The following MAPK8 variants were observed in gnomAD, a reference collection of about 807,000 sequenced individuals.
The protein encoded by MAPK8 is mitogen-activated protein kinase 8.
In MAPK8, 13 loss-of-function variants were observed where a neutral mutation model predicts 52.9. The observed-to-expected ratio is 0.25, with a 90% CI of 0.16 to 0.39. The LOEUF (loss-of-function observed/expected upper bound fraction) is 0.39, where lower values mean the gene tolerates loss of function less well. MAPK8 is among the 10% of genes least tolerant of loss of function. The pLI is 1.00. For synonymous variants in MAPK8, 191 were observed against 169.8 expected (o/e 1.12, Z -0.97); for missense variants, 300 against 519.2 (o/e 0.58, Z 4.10).
chr10:48,400,133 A>G (rs553883160), intron 1 of MAPK8, among the ~76,000 whole-genome samples: 10 of 152,330 alleles, frequency 6.6e-5, no homozygotes, highest in African/African-American at 2.4e-4. Context: ...GCATTGTGTG[A>G]ACATAGCTCA....
At chr10:48,401,435 A>G (rs905625737) in intron 1 of MAPK8, among the ~76,000 whole-genome samples, 177 bp from the exon 2 acceptor site, 2 of 152,158 alleles carry the variant, frequency 1.3e-5, no homozygotes, top group African/African-American at 4.8e-5. Flanking sequence ...TCAGTCATTC[A>G]TATGGCATAT....
chr10:48,417,618 A>G (rs993520341), intron 5 of MAPK8, among the ~76,000 whole-genome samples: 1 of 152,192 alleles, frequency 6.6e-6, no homozygotes, highest in African/African-American at 2.4e-5. Flanking sequence ...TCCTTTTCTC[A>G]TGGTGAAAGG....
chr10:48,373,873 G>A (rs766075186), intron 1 of MAPK8, among the ~76,000 whole-genome samples: 1 of 152,058 alleles, frequency 6.6e-6, no homozygotes, highest in Non-Finnish European at 1.5e-5. Context: ...TCCAGGAGTT[G>A]AACTCAGCTC....
In MAPK8 at chr10:48,324,503, G is replaced by GTTTTTTTTTTTTTTTTTTTTTT. The variant is rs370766776; in HGVS notation, c.-50+17699_-50+17700insTTTTTTTTTTTTTTTTTTTTTT. The stretch of plus-strand genomic sequence containing the variant: ...TATACAACAGTTGTCCTGTTTTCTA[G>GTTTTTTTTTTTTTTTTTTTTTT]TTTTTTTTTTTTTTTTTACACTCAT... On this transcript the variant is annotated intron_variant, in intron 1 of 11. Coordinates refer to ENST00000374189, the MANE Select transcript of MAPK8 (RefSeq NM_001323329.2). Among the ~76,000 whole-genome samples, 871 of 117,764 alleles carry GTTTTTTTTTTTTTTTTTTTTTT rather than the reference G, an allele frequency of 7.4e-3. 50 individuals carry two copies. Among genetic ancestry groups the GTTTTTTTTTTTTTTTTTTTTTT allele is most frequent in the Non-Finnish European group, 9.7e-3 (578 of 59,774 alleles). 77.3% of individuals were successfully genotyped at this position (117,764 alleles called of 152,430 possible). A position where few individuals can be genotyped will look rare whatever the true frequency, so the allele number is the denominator to read the frequency against.
chr10:48,358,072 A>G (rs1368568022), intron 1 of MAPK8, among the ~76,000 whole-genome samples: 2 of 152,160 alleles, frequency 1.3e-5, no homozygotes, highest in East Asian at 1.9e-4. Context: ...TAGTTGATGA[A>G]CCTTTGGATG....
At chr10:48,319,349 A>G (rs1432066935) in intron 1 of MAPK8, among the ~76,000 whole-genome samples, 2 of 152,146 alleles carry the variant, frequency 1.3e-5, no homozygotes, top group Non-Finnish European at 2.9e-5. Flanking sequence ...GCCTAACTTT[A>G]GAACATGTTT....
At chr10:48,434,803 C>A in intron 11 of MAPK8, 81 bp from the exon 12 acceptor site, 2 of 1,265,968 alleles carry the variant, frequency 1.6e-6, no homozygotes, top group South Asian at 1.9e-5. Context: ...AAAATTACCA[C>A]TGGAGGCAGT....
intron 1 of MAPK8, among the ~76,000 whole-genome samples, chr10:48,338,357 A>G (rs1844899516): frequency 6.6e-6 from 1 of 152,072 alleles, no homozygotes; most frequent in African/African-American, 2.4e-5. Flanking sequence ...CAAAAACCAT[A>G]TTCTTATGCA....
chr10:48,320,766 T>C (rs1012200005), intron 1 of MAPK8, among the ~76,000 whole-genome samples: 3 of 152,220 alleles, frequency 2.0e-5, no homozygotes, highest in African/African-American at 7.2e-5. Flanking sequence ...GTCATATGGG[T>C]AACTCTATGC....
intron 1 of MAPK8, among the ~76,000 whole-genome samples, chr10:48,336,802 TTA>T (rs954253605): frequency 5.9e-5 from 9 of 152,114 alleles, no homozygotes; most frequent in African/African-American, 2.2e-4. Context: ...TCTCAGCACT[TTA>T]TAGGTTTTTT....
At position 48,401,777 on chromosome 10, in the gene MAPK8, A is replaced by T. The variant is rs886105474; in HGVS notation, c.117A>T (p.Ile39=). The T allele has an allele frequency of 1.4e-6, 2 of 1,471,162 alleles. No homozygotes were observed. Among genetic ancestry groups the T allele is most frequent in the Middle Eastern group, 1.8e-4 (1 of 5,494 alleles). 91.1% of individuals were successfully genotyped at this position (1,471,162 alleles called of 1,614,324 possible). A position where few individuals can be genotyped will look rare whatever the true frequency, so the allele number is the denominator to read the frequency against. ...LKPIGSGAQG[I]VCAAYDAILE... ...CTATAGGCTCAGGAGCTCAAGGAAT[A>T]GTATGGTAAGTGTTTACTTCCAAAA... Residue 39 remains isoleucine (I), a synonymous_variant, in exon 2 of 12, where the codon ATA becomes ATT. Transcript: ENST00000374189.
intron 1 of MAPK8, among the ~76,000 whole-genome samples, chr10:48,327,154 TG>T (rs1564485258): frequency 6.6e-6 from 1 of 152,254 alleles, no homozygotes; most frequent in East Asian, 1.9e-4. Flanking sequence ...TTCTTGTTCT[TG>T]GGGGGAAAGT....
intron 1 of MAPK8, among the ~76,000 whole-genome samples, chr10:48,381,531 A>G (rs2041005075): frequency 6.6e-6 from 1 of 152,192 alleles, no homozygotes; most frequent in African/African-American, 2.4e-5. Context: ...AGTAAGTAGT[A>G]GTTAACTGGT....
chr10:48,398,344 A>G (rs1386806724), intron 1 of MAPK8, among the ~76,000 whole-genome samples: 1 of 152,142 alleles, frequency 6.6e-6, no homozygotes, highest in Admixed American at 6.6e-5. Flanking sequence ...TAAACGGCAT[A>G]TAAGCCCATG....
intron 1 of MAPK8, among the ~76,000 whole-genome samples, chr10:48,343,512 C>A (rs1845493737): frequency 6.6e-6 from 1 of 152,190 alleles, no homozygotes; most frequent in Non-Finnish European, 1.5e-5. Context: ...GACCCAGTAT[C>A]TTCAAGGTAG....
At chr10:48,329,457 A>G (rs1371443690) in intron 1 of MAPK8, among the ~76,000 whole-genome samples, 1 of 152,118 alleles carries the variant, frequency 6.6e-6, no homozygotes, top group Non-Finnish European at 1.5e-5. Flanking sequence ...AACTCTGGCC[A>G]TGAGACAACG....
chr10:48,407,939 G>T (rs72794376), intron 3 of MAPK8, among the ~76,000 whole-genome samples: 14,509 of 152,068 alleles, frequency 0.095, 725 homozygotes, highest in Non-Finnish European at 0.11. Flanking sequence ...GCATGCGGTT[G>T]GTAGACTTGA....
intron 1 of MAPK8, among the ~76,000 whole-genome samples, chr10:48,327,760 A>G (rs576605885): frequency 1.3e-5 from 2 of 152,350 alleles, no homozygotes; most frequent in South Asian, 2.1e-4. Flanking sequence ...TCAATTTTCT[A>G]ATAGATACAG....
intron 1 of MAPK8, among the ~76,000 whole-genome samples, chr10:48,342,364 A>C (rs1227760880): frequency 6.6e-6 from 1 of 152,064 alleles, no homozygotes; most frequent in Non-Finnish European, 1.5e-5. Context: ...CTCAGCCTCC[A>C]AAAATGTTGG....
Sources: gnomAD v4.1 joint callset for allele counts (sites outside exome capture counted in the v4.1 genomes callset) on GRCh38, gnomAD v4.1.1 for gene constraint, MANE v1.5 for transcripts, NCBI Gene and HGNC (gene_info 2026-07-23, HGNC 2026-07-21) for gene names.